The following MYO16 variants were observed in gnomAD, a reference collection of about 807,000 sequenced individuals.
MYO16 encodes the protein unconventional myosin-XVI.
In MYO16, 94 loss-of-function variants were observed where a neutral mutation model predicts 205.3. That is an observed-to-expected ratio of 0.46 (90% CI 0.39 to 0.54). MYO16 has a LOEUF of 0.54. MYO16 is among the 20% of genes least tolerant of loss of function. MYO16 has a pLI of 0.00. For missense variants in MYO16, 2,315 were observed against 2,387.5 expected, an observed-to-expected ratio of 0.97 and a Z score of 0.63; for synonymous variants, 988 against 954.0, an observed-to-expected ratio of 1.04 and a Z score of -0.66.
intron 27 of MYO16, among the ~76,000 whole-genome samples, chr13:109,060,694 T>G (rs1208314206): frequency 1.3e-5 from 2 of 152,174 alleles, no homozygotes; most frequent in Non-Finnish European, 2.9e-5. Context: ...GCTTTGTTAT[T>G]CCATTTATAT....
chr13:108,928,678 C>G (rs1450226482), intron 16 of MYO16, among the ~76,000 whole-genome samples: 1 of 152,104 alleles, frequency 6.6e-6, no homozygotes, highest in Non-Finnish European at 1.5e-5. Context: ...AAGGACCACA[C>G]CCAATACTAT....
At chr13:109,101,702 G>A (rs770291659) in intron 28 of MYO16, 1 of 152,180 alleles carries the variant, frequency 6.6e-6, no homozygotes, top group Non-Finnish European at 1.5e-5. Flanking sequence ...TTATTTGGAA[G>A]TTTCTTGCTG....
the MYO16 span, among the ~76,000 whole-genome samples, chr13:108,529,489 C>G: frequency 5.4e-4 from 82 of 152,214 alleles, no homozygotes; most frequent in Admixed American, 1.8e-3. Context: ...TCTATTAAAA[C>G]CCCACCAGGG....
chr13:108,782,774 A>G (rs1353368373), intron 4 of MYO16, among the ~76,000 whole-genome samples: 3 of 152,088 alleles, frequency 2.0e-5, no homozygotes, highest in Admixed American at 2.0e-4. Flanking sequence ...GGGCCAATGT[A>G]GAGCTTGGGC....
chr13:108,830,649 T>C (rs898397902), intron 9 of MYO16, among the ~76,000 whole-genome samples: 2 of 147,836 alleles, frequency 1.4e-5, no homozygotes, highest in African/African-American at 2.5e-5. Context: ...TTGGGAGATA[T>C]ACCTAATGCT....
chr13:108,742,114 G>A (rs1594256778), intron 4 of MYO16, among the ~76,000 whole-genome samples: 1 of 152,052 alleles, frequency 6.6e-6, no homozygotes, highest in Non-Finnish European at 1.5e-5. Context: ...GGTCTCAGCT[G>A]CCTGAAGAGC....
intron 2 of MYO16, among the ~76,000 whole-genome samples, chr13:108,680,356 G>A (rs1399884034): frequency 1.3e-5 from 2 of 152,160 alleles, no homozygotes; most frequent in East Asian, 1.9e-4. Context: ...TAGATAGCTA[G>A]CAACTGTTTC....
chr13:108,500,286 G>A, the MYO16 span, among the ~76,000 whole-genome samples: 5 of 119,620 alleles, frequency 4.2e-5, no homozygotes, highest in African/African-American at 1.6e-4. Context: ...CTGGAGTGCA[G>A]TGGCACAATC....
intron 15 of MYO16, among the ~76,000 whole-genome samples, chr13:108,901,860 CT>C (rs1405591086): frequency 7.9e-5 from 12 of 152,076 alleles, no homozygotes; most frequent in African/African-American, 1.2e-4. Flanking sequence ...AGTCTACCAC[CT>C]AGATCATAAA....
In MYO16 at chr13:109,041,861, CTTT is replaced by C. The variant is rs3042905; in HGVS notation, c.2797-5042_2797-5040del. ...TCATTTATTTTGATTTTCAAATTGC[CTTT>C]TTTTTTTTTTTTCCGAGACTAGAGT... On this transcript the variant is annotated intron_variant, in intron 23 of 34. Transcript: ENST00000457511. Among the ~76,000 whole-genome samples, 391 of 143,938 alleles carry C rather than the reference CTTT, an allele frequency of 2.7e-3. 9 individuals carry two copies. The East Asian group carries it at 0.05, about 18-fold the overall frequency. The allele number at this position is 143,938 out of a possible 152,430, so 94.4% of individuals were successfully genotyped here.
At chr13:109,102,036 G>A (rs1440101670) in intron 28 of MYO16, 1 of 152,036 alleles carries the variant, frequency 6.6e-6, no homozygotes, top group Non-Finnish European at 1.5e-5. Flanking sequence ...TGGCATTGAT[G>A]AGTAATGATT....
chr13:108,894,824 C>A (rs898072499), intron 14 of MYO16, among the ~76,000 whole-genome samples: 1 of 152,110 alleles, frequency 6.6e-6, no homozygotes, highest in African/African-American at 2.4e-5. Context: ...CAGCTAAGAG[C>A]AGTTAGGAAG....
intron 14 of MYO16, among the ~76,000 whole-genome samples, chr13:108,897,490 G>A (rs1319870669): frequency 1.3e-5 from 2 of 152,158 alleles, no homozygotes; most frequent in Admixed American, 6.5e-5. Flanking sequence ...GTTGGTGTGA[G>A]GCAAAAGCAC....
chr13:109,054,550 T>C (rs779566106), intron 25 of MYO16, among the ~76,000 whole-genome samples: 1 of 152,108 alleles, frequency 6.6e-6, no homozygotes, highest in Non-Finnish European at 1.5e-5. Context: ...AACCAGGATA[T>C]GATCGTGAGT....
At chr13:108,923,215 C>T (rs1206792281) in intron 16 of MYO16, among the ~76,000 whole-genome samples, 1 of 152,198 alleles carries the variant, frequency 6.6e-6, no homozygotes, top group African/African-American at 2.4e-5. Context: ...TGCGTGTATC[C>T]ATCTTGTGCC....
intron 1 of MYO16, among the ~76,000 whole-genome samples, chr13:108,648,865 AG>A (rs1880871044): frequency 6.6e-6 from 1 of 151,978 alleles, no homozygotes; most frequent in Non-Finnish European, 1.5e-5. Flanking sequence ...TTGCTGGATC[AG>A]GGGTCAGGGG....
At chr13:108,897,028 A>G (rs1880451554) in intron 14 of MYO16, among the ~76,000 whole-genome samples, 1 of 152,160 alleles carries the variant, frequency 6.6e-6, no homozygotes, top group Admixed American at 6.5e-5. Flanking sequence ...TTTTTTAAAA[A>G]AAGTGGGATC....
chr13:108,736,277 G>C (rs1009511958), intron 4 of MYO16, among the ~76,000 whole-genome samples: 7 of 152,138 alleles, frequency 4.6e-5, no homozygotes, highest in African/African-American at 1.7e-4. Context: ...TATGGTTTTA[G>C]GTCTAACATT....
At chr13:108,610,892 G>T (rs1879148849) in intron 1 of MYO16, among the ~76,000 whole-genome samples, 1 of 152,110 alleles carries the variant, frequency 6.6e-6, no homozygotes, top group Admixed American at 6.6e-5. Context: ...TTTTTCCTCT[G>T]GATAGATAAG....
Sources: gnomAD v4.1 joint callset for allele counts (sites outside exome capture counted in the v4.1 genomes callset) on GRCh38, gnomAD v4.1.1 for gene constraint, MANE v1.5 for transcripts, NCBI Gene and HGNC (gene_info 2026-07-23, HGNC 2026-07-21) for gene names.